The following MPP3 variants were observed in gnomAD, a reference collection of about 807,000 sequenced individuals.
MPP3 encodes the protein MAGUK p55 subfamily member 3.
Under a neutral mutation model 80.7 loss-of-function variants are expected in MPP3, and 48 were observed. That is an observed-to-expected ratio of 0.59 (90% CI 0.47 to 0.76). The LOEUF (loss-of-function observed/expected upper bound fraction) is 0.76, where lower values mean the gene tolerates loss of function less well. Among genes scored for constraint, MPP3 ranks in the 30% least tolerant of loss-of-function variants. MPP3 has a pLI of 0.00. For synonymous variants in MPP3, 311 were observed against 297.6 expected, an observed-to-expected ratio of 1.04 and a Z score of -0.46; for missense variants, 620 against 763.0, an observed-to-expected ratio of 0.81 and a Z score of 2.21.
At chr17:43,814,832 G>A (rs1430624853) in intron 14 of MPP3, among the ~76,000 whole-genome samples, 2 of 152,142 alleles carry the variant, frequency 1.3e-5, no homozygotes, top group Non-Finnish European at 2.9e-5. Flanking sequence ...CTTGGCCTTA[G>A]GAAATACATG....
At position 43,809,039 on chromosome 17, in the gene MPP3, T is replaced by A; in HGVS notation, c.1498A>T (p.Ile500Phe). Reference protein sequence around the residue: ...QLRTSEFKPYIIFVKPAIQEK... With the variant: ...QLRTSEFKPYFIFVKPAIQEK... The stretch of plus-strand genomic sequence containing the variant: ...TGAATTGCAGGCTTTACAAATATAA[T>A]ATAGGGTTTAAATTCTGAGGTCCTC... The change falls in exon 19 of 20, where the codon ATT becomes TTT. Residue 500 changes from isoleucine to phenylalanine, a missense_variant. Ile to Phe is a conservative substitution (Grantham distance 21, BLOSUM62 0). Transcript: ENST00000398389. 1 of 1,604,610 alleles carries A rather than the reference T, an allele frequency of 6.2e-7. No individual in the cohort carries two copies. The highest frequency in any genetic ancestry group is 1.1e-5 in the South Asian group (1 of 88,784).
At position 43,829,808 on chromosome 17, in the gene MPP3, A is replaced by G; in HGVS notation, c.304-17T>C. The G allele has an allele frequency of 6.2e-7, 1 of 1,609,316 alleles. No homozygotes were observed. The highest frequency in any genetic ancestry group is 8.5e-7 in the Non-Finnish European group (1 of 1,178,912). The stretch of plus-strand genomic sequence containing the variant: ...GAGCACAGCCTGCCGGGAAAGCCAG[A>G]GAAAAGGAAGGCTGGCCCGCCGCTC... On this transcript the variant is annotated splice_polypyrimidine_tract_variant and intron_variant, in intron 6 of 19. Coordinates refer to ENST00000398389, the MANE Select transcript of MPP3 (RefSeq NM_001932.6).
At chr17:43,830,875 A>C (rs1322539042) in intron 5 of MPP3, among the ~76,000 whole-genome samples, 1 of 152,238 alleles carries the variant, frequency 6.6e-6, no homozygotes, top group Non-Finnish European at 1.5e-5. Context: ...CCTTGACTTC[A>C]GGAAAGCACA....
intron 16 of MPP3, chr17:43,811,553 GCTAA>G (rs2044859781): frequency 9.6e-6 from 2 of 207,478 alleles, no homozygotes; most frequent in African/African-American, 4.6e-5. Context: ...TAACCACTCT[GCTAA>G]CTGACTCCCT....
intron 10 of MPP3, among the ~76,000 whole-genome samples, chr17:43,822,820 A>G (rs2154591400): frequency 6.6e-6 from 1 of 152,106 alleles, no homozygotes; most frequent in Admixed American, 6.5e-5. Context: ...CTCTTTGCCT[A>G]AGGACTTACT....
intron 12 of MPP3, 138 bp downstream of exon 12, chr17:43,817,908 C>G: frequency 2.4e-6 from 1 of 416,028 alleles, no homozygotes; most frequent in Non-Finnish European, 4.2e-6. Flanking sequence ...CCCACCCCCT[C>G]CTTCCTCTGG....
intron 19 of MPP3, among the ~76,000 whole-genome samples, chr17:43,804,667 G>A (rs1387426732): frequency 2.6e-5 from 4 of 152,054 alleles, no homozygotes; most frequent in Non-Finnish European, 5.9e-5. Flanking sequence ...AAATATAAAT[G>A]ACAAAAGAAA....
intron 19 of MPP3, among the ~76,000 whole-genome samples, chr17:43,806,423 C>T (rs1410852304): frequency 6.6e-6 from 1 of 152,114 alleles, no homozygotes; most frequent in African/African-American, 2.4e-5. Context: ...ACCTCAGCCT[C>T]CCAAAGTGCT....
rs1247002592 is a variant in MPP3, at chr17:43,829,688, T to C, written c.407A>G (p.Lys136Arg). The C allele has an allele frequency of 6.2e-7, 1 of 1,614,080 alleles. No individual in the cohort carries two copies. Among genetic ancestry groups the C allele is most frequent in the African/African-American group, 1.3e-5 (1 of 75,000 alleles). ...IDEDFDEESV[K>R]IVRLVKNKEP... is the part of the protein sequence containing the mutation. The stretch of plus-strand genomic sequence containing the variant: ...CTTGTTCTTCACCAAGCGGACGATC[T>C]TCACCGATTCCTCATCAAAATCCTC... The change falls in exon 7 of 20, where the codon AAG (lysine) becomes AGG (arginine). Residue 136 changes from lysine (K) to arginine (R), a missense_variant. Physicochemically the swap from Lys to Arg is conservative, Grantham distance 26. Transcript: ENST00000398389.
rs369914055 is a variant in MPP3 at position 43,831,253 on chromosome 17, G to A, written c.213C>T (p.Leu71=). ...PTPVLHSAVA[L]AEDVMEELQA... ...GAAACCTGGGGCTTACGTCCTCAGCGAGGGCCACAGCGCTGTGCAGAACTG... is the reference window on the plus strand; with the variant it reads ...GAAACCTGGGGCTTACGTCCTCAGCAAGGGCCACAGCGCTGTGCAGAACTG... Residue 71 remains leucine, a synonymous_variant, in exon 5 of 20, where the codon CTC becomes CTT. Transcript: ENST00000398389. The A allele has an allele frequency of 1.7e-5, 27 of 1,613,924 alleles. No individual in the cohort carries two copies. In the African/African-American group the frequency reaches 2.1e-4, roughly 13 times the overall value.
chr17:43,829,524 T>C, intron 7 of MPP3, 130 bp downstream of exon 7: 1 of 1,071,008 alleles, frequency 9.3e-7, no homozygotes, highest in Admixed American at 2.3e-5. Context: ...ACCACAGGGA[T>C]GAGCAGCAGC....
intron 6 of MPP3, 97 bp from the exon 7 acceptor site, chr17:43,829,888 C>A (rs879823637): frequency 6.3e-6 from 10 of 1,579,978 alleles, no homozygotes; most frequent in African/African-American, 1.3e-5. Flanking sequence ...AGACGCCATG[C>A]CAGAGAGACA....
intron 8 of MPP3, among the ~76,000 whole-genome samples, chr17:43,826,832 T>A (rs117978363): frequency 0.2 from 22,329 of 110,352 alleles, 2,100 homozygotes; most frequent in African/African-American, 0.39. Flanking sequence ...ATATATATAT[T>A]TTTTTTTTTT....
Position 43,817,902 on chromosome 17 carries a change from C to T in MPP3, c.946+144G>A, listed in dbSNP as rs1347515112. ...GCTGCCCCCCACCTCCTACTTCCCACCCCCTCCTTCCTCTGGAGTCCATGA... is the reference window on the plus strand; with the variant it reads ...GCTGCCCCCCACCTCCTACTTCCCATCCCCTCCTTCCTCTGGAGTCCATGA... On this transcript the variant is annotated intron_variant, in intron 12 of 19. Transcript: ENST00000398389. 1.9e-5 allele frequency: 8 copies of T among 425,704 alleles called. 1 individual carries two copies. Among genetic ancestry groups the T allele is most frequent in the Non-Finnish European group, 3.3e-5 (8 of 240,962 alleles). The allele number at this position is 425,704 out of a possible 1,614,324, so 26.4% of individuals were successfully genotyped here.
At position 43,808,999 on chromosome 17, in the gene MPP3, GT is replaced by G. The variant is rs1567798646; in HGVS notation, c.1537del (p.Thr513ArgfsTer29). ...CTCACAAGCTGGGGACATAGGTGGC[GT>G]TTTTCTTTTTTCCTGAATTGCAGGC... ...VKPAIQEKRKTPPMSPACEDT... is the reference protein window; with the variant it reads ...VKPAIQEKRKXPPMSPACEDT... On this transcript the variant is annotated frameshift_variant, in exon 19 of 20. Coordinates refer to ENST00000398389, the MANE Select transcript of MPP3 (RefSeq NM_001932.6). LOFTEE classifies it high-confidence loss of function. 1 of 1,610,816 alleles carries G rather than the reference GT, an allele frequency of 6.2e-7. No individual in the cohort carries two copies. Among genetic ancestry groups the G allele is most frequent in the Non-Finnish European group, 8.5e-7 (1 of 1,179,226 alleles).
intron 16 of MPP3, 87 bp from the exon 17 acceptor site, chr17:43,811,292 G>C (rs2044846603): frequency 3.1e-6 from 3 of 979,660 alleles, no homozygotes; most frequent in Non-Finnish European, 4.8e-6. Flanking sequence ...TCATTTGGGA[G>C]TTCACTGCTG....
chr17:43,808,768 C>T (rs907687538), intron 19 of MPP3, among the ~76,000 whole-genome samples, 188 bp downstream of exon 19: 5 of 151,522 alleles, frequency 3.3e-5, no homozygotes, highest in Non-Finnish European at 5.9e-5. Context: ...CAGCTGTTCA[C>T]CTTGAGCCTT....
chr17:43,820,678 A>G (rs902862629), intron 11 of MPP3, among the ~76,000 whole-genome samples, 184 bp downstream of exon 11: 6 of 151,892 alleles, frequency 4.0e-5, no homozygotes, highest in African/African-American at 1.5e-4. Flanking sequence ...ATTCCTTTAA[A>G]TCTCAAATAA....
chr17:43,831,098 AAGG>A, intron 5 of MPP3, 143 bp downstream of exon 5: 1 of 715,062 alleles, frequency 1.4e-6, no homozygotes, highest in Non-Finnish European at 2.3e-6. Context: ...AGAGGAAGAG[AAGG>A]AGGAGGACAA....
Sources: gnomAD v4.1 joint callset for allele counts (sites outside exome capture counted in the v4.1 genomes callset) on GRCh38, gnomAD v4.1.1 for gene constraint, MANE v1.5 for transcripts, NCBI Gene and HGNC (gene_info 2026-07-23, HGNC 2026-07-21) for gene names.